The following SLC6A11 variants were observed in gnomAD, a reference collection of about 807,000 sequenced individuals.
The protein encoded by SLC6A11 is sodium- and chloride-dependent GABA transporter 3.
Under a neutral mutation model 74.8 loss-of-function variants are expected in SLC6A11, and 25 were observed. The observed-to-expected ratio is 0.33, with a 90% CI of 0.24 to 0.47. SLC6A11 has a LOEUF of 0.47. SLC6A11 is among the 20% of genes least tolerant of loss of function. The pLI is 1.00. For synonymous variants in SLC6A11, 330 were observed against 330.2 expected (o/e 1.00, Z 0.01); for missense variants, 574 against 837.0 (o/e 0.69, Z 3.88).
At chr3:10,833,962 G>A (rs182731801) in intron 4 of SLC6A11, among the ~76,000 whole-genome samples, 5 of 152,352 alleles carry the variant, frequency 3.3e-5, no homozygotes, top group African/African-American at 1.2e-4. Context: ...CCTGATGGGT[G>A]CAGTAGAGAA....
intron 6 of SLC6A11, among the ~76,000 whole-genome samples, chr3:10,885,597 T>TAA (rs35167441): frequency 4.3e-5 from 6 of 138,504 alleles, no homozygotes; most frequent in Non-Finnish European, 9.6e-5. Context: ...GCCCCCATGA[T>TAA]AAAAAAAAAA....
chr3:10,863,203 G>C (rs1305481584), intron 5 of SLC6A11, among the ~76,000 whole-genome samples: 1 of 152,176 alleles, frequency 6.6e-6, no homozygotes, highest in African/African-American at 2.4e-5. Context: ...CCAGGTCTGT[G>C]AACAGCTGAC....
At chr3:10,819,263 T>C (rs1397121501) in intron 1 of SLC6A11, among the ~76,000 whole-genome samples, 2 of 152,158 alleles carry the variant, frequency 1.3e-5, no homozygotes, top group Admixed American at 6.5e-5. Flanking sequence ...ATTTTACAGA[T>C]GGAGAAGTTG....
chr3:10,852,600 G>A (rs1211935638), intron 5 of SLC6A11, among the ~76,000 whole-genome samples: 2 of 152,252 alleles, frequency 1.3e-5, no homozygotes, highest in African/African-American at 4.8e-5. Context: ...AGAAGGCCAG[G>A]AGTCCCAGTG....
At chr3:10,873,241 G>T (rs1341770140) in intron 5 of SLC6A11, among the ~76,000 whole-genome samples, 2 of 152,150 alleles carry the variant, frequency 1.3e-5, no homozygotes, top group Non-Finnish European at 2.9e-5. Flanking sequence ...CTAGCTAAAA[G>T]GGTCTCTCGG....
intron 3 of SLC6A11, among the ~76,000 whole-genome samples, chr3:10,820,482 C>A (rs75613882): frequency 0.027 from 4,047 of 152,168 alleles, 82 homozygotes; most frequent in South Asian, 0.067. Context: ...ATGACACATC[C>A]GTCCTGGAGT....
At chr3:10,927,101 A>AT in intron 9 of SLC6A11, among the ~76,000 whole-genome samples, 1 of 152,256 alleles carries the variant, frequency 6.6e-6, no homozygotes, top group Non-Finnish European at 1.5e-5. Flanking sequence ...CACAGCCAGT[A>AT]TATCTGTCAA....
At chr3:10,879,530 A>G (rs1194038619) in intron 6 of SLC6A11, among the ~76,000 whole-genome samples, 1 of 152,166 alleles carries the variant, frequency 6.6e-6, no homozygotes, top group African/African-American at 2.4e-5. Flanking sequence ...CTAGGGGGCC[A>G]TGTCCCCTCC....
At chr3:10,866,505 C>T (rs1694764254) in intron 5 of SLC6A11, among the ~76,000 whole-genome samples, 1 of 152,228 alleles carries the variant, frequency 6.6e-6, no homozygotes, top group Non-Finnish European at 1.5e-5. Flanking sequence ...TCTTCCTTCT[C>T]AACCCAGCCC....
rs756006940 is a variant in SLC6A11 at position 10,838,865 on chromosome 3, G to A, written c.624-5349G>A. 4.6e-5 allele frequency among the ~76,000 whole-genome samples: 7 copies of A among 152,210 alleles called. 1 individual carries two copies. Among genetic ancestry groups the A allele is most frequent in the Admixed American group, 2.0e-4 (3 of 15,288 alleles). ...TGTTGCCATGAGGACTGAATGAAGC[G>A]AGATGGGGGAGGGTGTCAGGTGGTG... is the stretch of plus-strand genomic sequence containing the variant. On this transcript the variant is annotated intron_variant, in intron 4 of 13. Coordinates refer to ENST00000254488, the MANE Select transcript of SLC6A11 (RefSeq NM_014229.3).
chr3:10,819,407 T>C, intron 1 of SLC6A11, 58 bp from the exon 2 acceptor site: 2 of 1,542,934 alleles, frequency 1.3e-6, no homozygotes, highest in Non-Finnish European at 1.8e-6. Context: ...AAAGAGTTCT[T>C]GAGCCAAGTA....
chr3:10,849,161 A>G (rs1235236119), intron 5 of SLC6A11, among the ~76,000 whole-genome samples: 2 of 152,342 alleles, frequency 1.3e-5, no homozygotes, highest in Non-Finnish European at 2.9e-5. Flanking sequence ...GAAATCTCCT[A>G]TGGAAAAAAA....
At chr3:10,880,766 G>A (rs1216579800) in intron 6 of SLC6A11, among the ~76,000 whole-genome samples, 5 of 152,144 alleles carry the variant, frequency 3.3e-5, no homozygotes, top group Non-Finnish European at 7.4e-5. Flanking sequence ...ACTCCAGGAT[G>A]GCAGGGATTA....
At chr3:10,900,427 C>T (rs888708127) in intron 6 of SLC6A11, among the ~76,000 whole-genome samples, 1 of 152,238 alleles carries the variant, frequency 6.6e-6, no homozygotes, top group Non-Finnish European at 1.5e-5. Context: ...TCTCAGGAAG[C>T]TTCCATTCCA....
Position 10,915,488 on chromosome 3 carries a change from A to G in SLC6A11, c.996-2841A>G, listed in dbSNP as rs543826331. Among the ~76,000 whole-genome samples the G allele has an allele frequency of 6.6e-6, 1 of 152,322 alleles. No homozygotes were observed. The highest frequency in any genetic ancestry group is 2.1e-4 in the South Asian group (1 of 4,822). Reference sequence around the variant, plus strand: ...TTAGTACCCTCTCTCCTGACAGCATAATAGCTTCTGGAGGTCTTAAAAGCC... The same window carrying G: ...TTAGTACCCTCTCTCCTGACAGCATGATAGCTTCTGGAGGTCTTAAAAGCC... On this transcript the variant is annotated intron_variant, in intron 7 of 13. Coordinates refer to ENST00000254488, the MANE Select transcript of SLC6A11 (RefSeq NM_014229.3). This position sits in a 1 kb window ranked among gnomAD's most constrained non-coding sequence, Gnocchi z 4.3.
intron 5 of SLC6A11, among the ~76,000 whole-genome samples, chr3:10,863,734 C>CCCA (rs1282108167): frequency 6.6e-6 from 1 of 152,142 alleles, no homozygotes. Flanking sequence ...TCTCCACTGT[C>CCCA]CCACTCAGGT....
chr3:10,929,757 C>T (rs1186700112), intron 10 of SLC6A11, among the ~76,000 whole-genome samples: 1 of 152,182 alleles, frequency 6.6e-6, no homozygotes, highest in Non-Finnish European at 1.5e-5. Flanking sequence ...AGAAGAGGCT[C>T]CCATGATGAT....
At chr3:10,874,709 A>G (rs776309352) in intron 5 of SLC6A11, among the ~76,000 whole-genome samples, 4 of 150,908 alleles carry the variant, frequency 2.7e-5, no homozygotes, top group Non-Finnish European at 4.4e-5. Context: ...CTGCCATCCC[A>G]CTCTTTGATT....
intron 5 of SLC6A11, among the ~76,000 whole-genome samples, chr3:10,856,539 G>T (rs1442809017): frequency 6.6e-6 from 1 of 152,210 alleles, no homozygotes; most frequent in Non-Finnish European, 1.5e-5. Flanking sequence ...TAAGTGATGT[G>T]CACAGGGTCA....
Sources: allele counts gnomAD v4.1 joint callset (sites outside exome capture counted in the v4.1 genomes callset), GRCh38; gene constraint gnomAD v4.1.1; non-coding constraint Gnocchi (gnomAD v3.1); transcripts MANE v1.5; gene names NCBI Gene and HGNC (gene_info 2026-07-23, HGNC 2026-07-21).